The following NT5C2 variants were observed in gnomAD, a reference collection of about 807,000 sequenced individuals.
NT5C2 encodes 5'-nucleotidase, cytosolic II.
In NT5C2, 58 loss-of-function variants were observed where a neutral mutation model predicts 76.1. The observed-to-expected ratio is 0.76, with a 90% CI of 0.62 to 0.95. The LOEUF (loss-of-function observed/expected upper bound fraction) is 0.95. NT5C2 is among the 40% of genes least tolerant of loss of function. The pLI, the probability that NT5C2 is intolerant of heterozygous loss-of-function variation, is 0.00. For missense variants in NT5C2, 478 were observed against 690.3 expected (o/e 0.69, Z 3.45); for synonymous variants, 229 against 237.4 (o/e 0.96, Z 0.32).
At chr10:103,159,336 G>A (rs540542757) in intron 3 of NT5C2, among the ~76,000 whole-genome samples, 1 of 150,232 alleles carries the variant, frequency 6.7e-6, no homozygotes, top group South Asian at 2.1e-4. Context: ...CAGGATACAA[G>A]ATTAATATAC....
intron 3 of NT5C2, among the ~76,000 whole-genome samples, chr10:103,156,435 A>G (rs965916743): frequency 1.3e-5 from 2 of 152,204 alleles, no homozygotes; most frequent in Non-Finnish European, 2.9e-5. Context: ...TAATGGATGT[A>G]GTAACAATTA....
chr10:103,174,872 T>C lies in NT5C2; in HGVS notation c.87A>G (p.Arg29=), dbSNP rs2089427689. ...AAAATACTTACCGATGATAGGCTTC[T>C]CGACGATACTTTTTCAGGGCATGCT... is the stretch of plus-strand genomic sequence containing the variant. ...MDKHALKKYR[R]EAYHRVFVNR... is the part of the protein sequence containing the mutation. Residue 29 remains arginine, a synonymous_variant, in exon 3 of 19, where the codon CGA becomes CGG. Transcript: ENST00000404739. The C allele has an allele frequency of 6.2e-7, 1 of 1,612,080 alleles. No homozygotes were observed. Among genetic ancestry groups the C allele is most frequent in the Admixed American group, 1.7e-5 (1 of 60,000 alleles).
chr10:103,144,376 T>C (rs924896272), intron 3 of NT5C2, among the ~76,000 whole-genome samples: 2 of 152,204 alleles, frequency 1.3e-5, no homozygotes, highest in Non-Finnish European at 2.9e-5. Flanking sequence ...AGATGCTAGC[T>C]AGCTTCAAGC....
At chr10:103,149,842 G>A (rs1251348668) in intron 3 of NT5C2, among the ~76,000 whole-genome samples, 2 of 146,238 alleles carry the variant, frequency 1.4e-5, no homozygotes, top group African/African-American at 2.5e-5. Context: ...TTACCTAAAC[G>A]ACAGCAACTC....
chr10:103,116,079 C>A (rs900569215), intron 4 of NT5C2, among the ~76,000 whole-genome samples: 7 of 151,932 alleles, frequency 4.6e-5, no homozygotes, highest in Non-Finnish European at 8.8e-5. Flanking sequence ...ACTATAATAT[C>A]TCAAATGGAA....
intron 3 of NT5C2, among the ~76,000 whole-genome samples, chr10:103,157,169 T>C (rs2083592056): frequency 6.6e-6 from 1 of 151,250 alleles, no homozygotes; most frequent in Admixed American, 6.6e-5. Flanking sequence ...AAAAAACACT[T>C]AACTGAAAGC....
At chr10:103,190,844 T>C (rs564191197) in intron 1 of NT5C2, among the ~76,000 whole-genome samples, 103 of 152,340 alleles carry the variant, frequency 6.8e-4, no homozygotes, top group Non-Finnish European at 1.2e-3. Flanking sequence ...GTGCCAGGCA[T>C]TGTTGACTAC....
chr10:103,175,727 G>C (rs2089735583), intron 2 of NT5C2: 2 of 268,668 alleles, frequency 7.4e-6, no homozygotes. Flanking sequence ...GAGGCAGCCG[G>C]GGCCACTGGC....
At chr10:103,143,292 C>A (rs1186825047) in intron 3 of NT5C2, among the ~76,000 whole-genome samples, 1 of 152,112 alleles carries the variant, frequency 6.6e-6, no homozygotes, top group Non-Finnish European at 1.5e-5. Context: ...CATCAGTGAT[C>A]TAGGTCAATG....
chr10:103,121,488 C>T (rs1216505851), intron 4 of NT5C2, among the ~76,000 whole-genome samples: 2 of 152,118 alleles, frequency 1.3e-5, no homozygotes, highest in Non-Finnish European at 2.9e-5. Context: ...AGTAAACACA[C>T]CATCCAAAAA....
At chr10:103,166,246 G>T (rs1395428284) in intron 3 of NT5C2, among the ~76,000 whole-genome samples, 1 of 152,118 alleles carries the variant, frequency 6.6e-6, no homozygotes, top group Non-Finnish European at 1.5e-5. Context: ...TCCTCATAAG[G>T]TATTCCTTGT....
chr10:103,089,673 T>C lies in NT5C2; in HGVS notation c.1685A>G (p.Ter562=), dbSNP rs536377819. 57 of 1,595,356 alleles carry C rather than the reference T, an allele frequency of 3.6e-5. 1 individual carries two copies. Among genetic ancestry groups the C allele is most frequent in the Non-Finnish European group, 4.2e-5 (49 of 1,171,172 alleles). The change falls in exon 19 of 19, where the codon TAA becomes TGA. Residue 562 remains the stop codon, a stop_retained_variant. Coordinates refer to ENST00000404739, the MANE Select transcript of NT5C2 (RefSeq NM_001351169.2). ...TGCTTGGGGTTTTGGTTTTCCTCCTTATTCTTCCTCCTCCTCCTCCTCTTC... is the reference window on the plus strand; with the variant it reads ...TGCTTGGGGTTTTGGTTTTCCTCCTCATTCTTCCTCCTCCTCCTCCTCTTC... The part of the protein sequence containing the change: ...DDEEEEEEEE[*]
intron 15 of NT5C2, among the ~76,000 whole-genome samples, chr10:103,092,113 AAC>A (rs2067077901): frequency 6.6e-6 from 1 of 152,220 alleles, no homozygotes; most frequent in Non-Finnish European, 1.5e-5. Flanking sequence ...TACAGACAGT[AAC>A]AGCAACAGCC....
chr10:103,151,954 A>G (rs1344778310), intron 3 of NT5C2, among the ~76,000 whole-genome samples: 2 of 152,184 alleles, frequency 1.3e-5, no homozygotes, highest in Admixed American at 6.5e-5. Flanking sequence ...CTGCCGTTAC[A>G]GTGTCCTAGA....
intron 4 of NT5C2, among the ~76,000 whole-genome samples, chr10:103,115,111 T>C (rs768326225): frequency 2.1e-4 from 32 of 152,146 alleles, no homozygotes; most frequent in Non-Finnish European, 3.1e-4. Context: ...ATGTTGAAAA[T>C]AGCCTTTGGC....
intron 4 of NT5C2, among the ~76,000 whole-genome samples, chr10:103,115,619 T>C (rs1027627056): frequency 6.6e-6 from 1 of 152,202 alleles, no homozygotes. Flanking sequence ...TGAAATGGGT[T>C]TTATTAAGCA....
intron 1 of NT5C2, among the ~76,000 whole-genome samples, chr10:103,182,644 A>C (rs2091282387): frequency 6.6e-6 from 1 of 152,134 alleles, no homozygotes; most frequent in South Asian, 2.1e-4. Context: ...CAAAAAAAAA[A>C]AACTAAACTT....
chr10:103,162,597 A>G (rs1334496208), intron 3 of NT5C2, among the ~76,000 whole-genome samples: 1 of 152,196 alleles, frequency 6.6e-6, no homozygotes, highest in East Asian at 1.9e-4. Context: ...GCTCTCATAC[A>G]TTGTAAGTGG....
Position 103,105,703 on chromosome 10 carries a change from C to T in NT5C2, c.389+3G>A. 1 of 1,596,746 alleles carries T rather than the reference C, an allele frequency of 6.3e-7. No individual in the cohort carries two copies. The highest frequency in any genetic ancestry group is 1.1e-5 in the South Asian group (1 of 90,612). Reference sequence around the variant, plus strand: ...AAAGAGGCTAAAGGTTCTCTGTACTCACCCCCTTATAAAGTTAAATCCATG... The same window carrying T: ...AAAGAGGCTAAAGGTTCTCTGTACTTACCCCCTTATAAAGTTAAATCCATG... On this transcript the variant is annotated splice_donor_region_variant and intron_variant, in intron 6 of 18. Transcript: ENST00000404739.
Sources: gnomAD v4.1 joint callset for allele counts (sites outside exome capture counted in the v4.1 genomes callset) on GRCh38, gnomAD v4.1.1 for gene constraint, MANE v1.5 for transcripts, NCBI Gene and HGNC (gene_info 2026-07-23, HGNC 2026-07-21) for gene names.